ZC3H18: variants seen among roughly 807,000 people sequenced by gnomAD.
ZC3H18 encodes the protein zinc finger CCCH domain-containing protein 18.
A neutral mutation model predicts 106.1 loss-of-function variants in ZC3H18; 8 were observed. The ratio of observed to expected loss-of-function variants is 0.08; its 90% confidence interval spans 0.04 to 0.14. ZC3H18 has a LOEUF of 0.14. Ranked by LOEUF, ZC3H18 falls within the 10% of genes least tolerant of loss-of-function variation. ZC3H18 has a pLI of 1.00. For synonymous variants in ZC3H18, 635 were observed against 522.1 expected, an observed-to-expected ratio of 1.22 and a Z score of -2.95; for missense variants, 1,318 against 1,278.4, an observed-to-expected ratio of 1.03 and a Z score of -0.47.
intron 9 of ZC3H18, 119 bp from the exon 10 acceptor site, chr16:88,623,100 T>G: frequency 2.8e-6 from 4 of 1,426,330 alleles, no homozygotes; most frequent in Non-Finnish European, 3.8e-6. Context: ...CGTGCGCAGC[T>G]GTGCGCTTGT....
intron 5 of ZC3H18, 84 bp from the exon 6 acceptor site, chr16:88,599,707 G>C (rs989364839): frequency 6.7e-7 from 1 of 1,489,186 alleles, no homozygotes; most frequent in Non-Finnish European, 9.0e-7. Context: ...TGCTGCGGTC[G>C]GGTGGGACGG....
rs1210749041 is a variant in ZC3H18 at position 88,627,491 on chromosome 16, C to T, written c.2109-131C>T. The stretch of plus-strand genomic sequence containing the variant: ...TAACCCTGAAACTGCCCAGTGTCCC[C>T]CCAAAATCACACATTCCGTGGGTAC... On this transcript the variant is annotated intron_variant, in intron 13 of 17. Transcript: ENST00000301011. This position sits in a 1 kb window ranked among gnomAD's most constrained non-coding sequence, Gnocchi z 4.5. 1 of 1,312,712 alleles carries T rather than the reference C, an allele frequency of 7.6e-7. No homozygotes were observed. The highest frequency in any genetic ancestry group is 1.5e-5 in the African/African-American group (1 of 67,906). The allele number at this position is 1,312,712 out of a possible 1,614,324, so 81.3% of individuals were successfully genotyped here.
At chr16:88,619,588 T>C (rs1229243497) in intron 8 of ZC3H18, among the ~76,000 whole-genome samples, 3 of 152,188 alleles carry the variant, frequency 2.0e-5, no homozygotes, top group Non-Finnish European at 4.4e-5. Context: ...GAGCAGCTCT[T>C]TCTGGGGGGC....
At chr16:88,598,454 C>T in intron 4 of ZC3H18, 128 bp downstream of exon 4, 1 of 1,486,840 alleles carries the variant, frequency 6.7e-7, no homozygotes, top group Non-Finnish European at 9.1e-7. Flanking sequence ...TTCTGTCGTC[C>T]CGAGTGGAAG....
At chr16:88,602,719 C>T (rs1193424999) in intron 6 of ZC3H18, among the ~76,000 whole-genome samples, 1 of 152,160 alleles carries the variant, frequency 6.6e-6, no homozygotes, top group Non-Finnish European at 1.5e-5. Context: ...TGCTATGTTG[C>T]TCAGGCTGGT....
At chr16:88,598,749 T>A in intron 5 of ZC3H18, 37 bp downstream of exon 5, 4 of 1,572,322 alleles carry the variant, frequency 2.5e-6, no homozygotes, top group Non-Finnish European at 3.5e-6. Flanking sequence ...ACAAGAAAGA[T>A]GCTATTACAG....
chr16:88,573,020 G>A (rs1317824255), intron 1 of ZC3H18, among the ~76,000 whole-genome samples: 1 of 152,136 alleles, frequency 6.6e-6, no homozygotes, highest in East Asian at 1.9e-4. Context: ...GCCTCCCAAA[G>A]TGCTGGGATT....
chr16:88,627,904 G>T lies in ZC3H18; in HGVS notation c.2270-16G>T, dbSNP rs768390851. 6.2e-7 allele frequency: 1 copy of T among 1,613,852 alleles called. No individual in the cohort carries two copies. The highest frequency in any genetic ancestry group is 8.5e-7 in the Non-Finnish European group (1 of 1,180,044). ...AATCACCAGTACCCCCATGACTGCG[G>T]ATTTATCATTGGTAGGAAAATCTAA... On this transcript the variant is annotated splice_polypyrimidine_tract_variant and intron_variant, in intron 14 of 17. Transcript: ENST00000301011. This position sits in a 1 kb window ranked among gnomAD's most constrained non-coding sequence, Gnocchi z 4.5.
At chr16:88,571,513 CTT>C (rs1464074243) in intron 1 of ZC3H18, 37 of 611,770 alleles carry the variant, frequency 6.0e-5, no homozygotes, top group Non-Finnish European at 7.6e-5. Context: ...GGAGGAGAGT[CTT>C]TTCCTGATAA....
At chr16:88,622,820 C>T (rs1418130294) in intron 9 of ZC3H18, 2 of 282,308 alleles carry the variant, frequency 7.1e-6, no homozygotes, top group African/African-American at 2.2e-5. Flanking sequence ...AGCAGGGGGC[C>T]GGGGTAGACC....
At chr16:88,600,636 C>T (rs997161593) in intron 6 of ZC3H18, among the ~76,000 whole-genome samples, 10 of 152,214 alleles carry the variant, frequency 6.6e-5, no homozygotes, top group African/African-American at 2.4e-4. Context: ...TGGTCTCGAA[C>T]TCCTGACCTC....
intron 3 of ZC3H18, among the ~76,000 whole-genome samples, chr16:88,589,833 G>T (rs1402133854): frequency 2.0e-5 from 3 of 152,228 alleles, no homozygotes; most frequent in African/African-American, 4.8e-5. Flanking sequence ...GTGAGTACAG[G>T]ATTTCCTCTT....
intron 6 of ZC3H18, among the ~76,000 whole-genome samples, chr16:88,602,094 G>A (rs1165747373): frequency 1.3e-5 from 2 of 152,246 alleles, no homozygotes; most frequent in Non-Finnish European, 2.9e-5. Context: ...ATGTCCTGGT[G>A]CGTGCTGTTG....
chr16:88,598,924 A>C lies in ZC3H18; in HGVS notation c.930+212A>C, dbSNP rs146515360. Among the ~76,000 whole-genome samples the C allele has an allele frequency of 7.6e-3, 1,153 of 152,214 alleles. 16 individuals carry two copies. The highest frequency in any genetic ancestry group is 0.025 in the African/African-American group (1,059 of 41,546). On this transcript the variant is annotated intron_variant, in intron 5 of 17. Transcript: ENST00000301011. ...GCCCAGGCTGGAGTGCAATGGCCCA[A>C]ACTCGACTCACTGCAGCCTCCGCCT...
intron 6 of ZC3H18, among the ~76,000 whole-genome samples, chr16:88,606,933 C>G (rs982271210): frequency 6.6e-6 from 1 of 152,138 alleles, no homozygotes; most frequent in African/African-American, 2.4e-5. Context: ...CCAGTCTACC[C>G]GAAGCAGAGG....
At chr16:88,581,788 G>T (rs1028069191) in intron 2 of ZC3H18, among the ~76,000 whole-genome samples, 3 of 152,180 alleles carry the variant, frequency 2.0e-5, no homozygotes, top group Non-Finnish European at 4.4e-5. Flanking sequence ...TCTCCTGCAC[G>T]TCTAGTCTCT....
intron 2 of ZC3H18, 136 bp downstream of exon 2, chr16:88,577,862 T>G (rs1200166133): frequency 6.7e-7 from 1 of 1,493,690 alleles, no homozygotes; most frequent in Non-Finnish European, 9.0e-7. Flanking sequence ...AATGAGAGGC[T>G]TGTTTTGGGT....
At chr16:88,571,688 G>A (rs1424314377) in intron 1 of ZC3H18, 1 of 985,028 alleles carries the variant, frequency 1.0e-6, no homozygotes, top group African/African-American at 1.7e-5. Flanking sequence ...TTAACCTATG[G>A]CCTACATCGT....
chr16:88,620,571 C>T (rs370586310), intron 8 of ZC3H18, among the ~76,000 whole-genome samples: 20 of 150,014 alleles, frequency 1.3e-4, no homozygotes, highest in African/African-American at 4.7e-4. Context: ...GAGCAAGACC[C>T]TGTCTCTAAA....
Sources: gnomAD v4.1 joint callset for allele counts (sites outside exome capture counted in the v4.1 genomes callset) on GRCh38, gnomAD v4.1.1 for gene constraint, Gnocchi (gnomAD v3.1) non-coding constraint, MANE v1.5 for transcripts, NCBI Gene and HGNC (gene_info 2026-07-23, HGNC 2026-07-21) for gene names.